N4BP2L2: variants seen among roughly 807,000 people sequenced by gnomAD.
The protein encoded by N4BP2L2 is NEDD4 binding protein 2 like 2.
Under a neutral mutation model 56.2 loss-of-function variants are expected in N4BP2L2, and 50 were observed. The ratio of observed to expected loss-of-function variants is 0.89; its 90% confidence interval spans 0.71 to 1.13. The LOEUF is 1.13. Ranked by LOEUF, N4BP2L2 falls within the 50% of genes most tolerant of loss-of-function variation. The pLI, the probability that N4BP2L2 is intolerant of heterozygous loss-of-function variation, is 0.00. For missense variants in N4BP2L2, 689 were observed against 693.8 expected (o/e 0.99, Z 0.08); for synonymous variants, 203 against 223.6 (o/e 0.91, Z 0.82).
At chr13:32,507,158 T>C (rs1489609901), downstream of N4BP2L2, 1 of 152,168 alleles carries the variant, frequency 6.6e-6, no homozygotes, top group Non-Finnish European at 1.5e-5. Flanking sequence ...AAGAAGACTC[T>C]CAACTTTCTA....
chr13:32,446,218 C>T (rs900893037), intron 6 of N4BP2L2: 8 of 468,138 alleles, frequency 1.7e-5, no homozygotes, highest in Non-Finnish European at 2.5e-5. Context: ...CCCTTGTTTA[C>T]ACATTTCTAG....
At chr13:32,441,989 T>C (rs1174971380) in intron 7 of N4BP2L2, among the ~76,000 whole-genome samples, 1 of 152,102 alleles carries the variant, frequency 6.6e-6, no homozygotes, top group African/African-American at 2.4e-5. Context: ...GGCAGGAGAA[T>C]GGCGTGAACC....
At chr13:32,433,001 C>A (rs887529561) in intron 9 of N4BP2L2, 1 of 152,332 alleles carries the variant, frequency 6.6e-6, no homozygotes, top group Non-Finnish European at 1.5e-5. Flanking sequence ...CCAGACAAGA[C>A]CAGAAAACAT....
intron 6 of N4BP2L2, among the ~76,000 whole-genome samples, chr13:32,476,370 T>C (rs2139038218): frequency 6.6e-6 from 1 of 152,264 alleles, no homozygotes; most frequent in Admixed American, 6.5e-5. Context: ...CAGAAACTTA[T>C]CTCTACCCTC....
Position 32,478,329 on chromosome 13 carries a change from C to G in N4BP2L2, c.366-34203G>C, listed in dbSNP as rs1236078816. On this transcript the variant is annotated intron_variant, in intron 6 of 9. Coordinates refer to the N4BP2L2 transcript ENST00000357505. ...GAGAACTTTGAGAATGGTCATCCCA[C>G]AAAAAACTATATAACGCAATTTCTT... The G allele has an allele frequency of 2.7e-5, 7 of 259,034 alleles. No homozygotes were observed. In the Admixed American group the frequency reaches 3.2e-4, roughly 12 times the overall value. The allele number at this position is 259,034 out of a possible 1,614,324, so 16.0% of individuals were successfully genotyped here.
intron 6 of N4BP2L2, among the ~76,000 whole-genome samples, chr13:32,491,137 G>A (rs931497243): frequency 5.3e-5 from 8 of 152,138 alleles, no homozygotes; most frequent in Non-Finnish European, 8.8e-5. Context: ...ATAGTTCTGA[G>A]ATTCTGAAGG....
intron 8 of N4BP2L2, among the ~76,000 whole-genome samples, chr13:32,438,288 C>T (rs918012268): frequency 3.9e-5 from 6 of 152,088 alleles, no homozygotes; most frequent in African/African-American, 9.7e-5. Flanking sequence ...TTTGCAACAA[C>T]GTGGATGAAC....
downstream of N4BP2L2, chr13:32,505,888 T>C (rs2090865922): frequency 6.6e-6 from 1 of 152,210 alleles, no homozygotes; most frequent in African/African-American, 2.4e-5. Context: ...CAACAATCTC[T>C]TCAAGGCAGT....
At chr13:32,525,891 C>T (rs1021053414) in intron 3 of N4BP2L2, among the ~76,000 whole-genome samples, 6 of 151,914 alleles carry the variant, frequency 3.9e-5, no homozygotes, top group Admixed American at 6.6e-5. Flanking sequence ...ACTCAGGAAA[C>T]AATTTATTAT....
chr13:32,498,847 T>C (rs1026535666), intron 6 of N4BP2L2, among the ~76,000 whole-genome samples: 36 of 151,118 alleles, frequency 2.4e-4, no homozygotes, highest in African/African-American at 8.5e-4. Context: ...TACAAAAAAA[T>C]TGGCTGGGCA....
intron 6 of N4BP2L2, among the ~76,000 whole-genome samples, chr13:32,456,333 A>C (rs1277750869): frequency 6.6e-6 from 1 of 152,234 alleles, no homozygotes; most frequent in Non-Finnish European, 1.5e-5. Context: ...AATAAAAGCT[A>C]AAGTGTCCTA....
chr13:32,438,685 C>T, exon 8 of N4BP2L2: 1 of 1,610,724 alleles, frequency 6.2e-7, no homozygotes, highest in Non-Finnish European at 8.5e-7. Context: ...AGTAGATCAT[C>T]TTTAGTGTCT....
At chr13:32,479,189 A>G (rs933158934) in intron 6 of N4BP2L2, among the ~76,000 whole-genome samples, 2 of 152,154 alleles carry the variant, frequency 1.3e-5, no homozygotes, top group Non-Finnish European at 2.9e-5. Flanking sequence ...AACATAGGCC[A>G]TATGTACTCT....
At chr13:32,517,785 A>C in exon 6 of N4BP2L2, 1 of 1,611,420 alleles carries the variant, frequency 6.2e-7, no homozygotes, top group Non-Finnish European at 8.5e-7. Context: ...CAAATGTGTT[A>C]GCTGAAAATA....
intron 6 of N4BP2L2, among the ~76,000 whole-genome samples, chr13:32,476,309 C>CTAA (rs1281550386): frequency 1.3e-5 from 2 of 152,224 alleles, no homozygotes; most frequent in Non-Finnish European, 2.9e-5. Flanking sequence ...AATTCCCTCT[C>CTAA]TAATAAAGCT....
At chr13:32,536,783 A>G (rs778847733) in exon 2 of N4BP2L2, 1 of 1,614,064 alleles carries the variant, frequency 6.2e-7, no homozygotes, top group African/African-American at 1.3e-5. Context: ...CTCATCATGC[A>G]AAGGTCTATG....
At chr13:32,440,847 C>T (rs532651128) in intron 7 of N4BP2L2, among the ~76,000 whole-genome samples, 2 of 144,100 alleles carry the variant, frequency 1.4e-5, no homozygotes, top group African/African-American at 5.2e-5. Flanking sequence ...CCAAAAATAA[C>T]AATCTTTTTT....
exon 6 of N4BP2L2, chr13:32,514,855 C>T (rs985913230): frequency 2.0e-5 from 3 of 152,148 alleles, no homozygotes; most frequent in African/African-American, 7.2e-5. Context: ...CCAACTAGGC[C>T]TGGTGTGGTG....
chr13:32,536,984 T>A (rs1157351394), exon 2 of N4BP2L2: 1 of 1,599,146 alleles, frequency 6.3e-7, no homozygotes, highest in Non-Finnish European at 8.5e-7. Flanking sequence ...CGTTACTTCT[T>A]CTCTAGGTCC....
Sources: gnomAD v4.1 joint callset for allele counts (sites outside exome capture counted in the v4.1 genomes callset) on GRCh38, gnomAD v4.1.1 for gene constraint, MANE v1.5 for transcripts, NCBI Gene and HGNC (gene_info 2026-07-23, HGNC 2026-07-21) for gene names.